MTA3: variants seen among roughly 807,000 people sequenced by gnomAD.
MTA3 encodes the protein metastasis-associated protein MTA3.
In MTA3, 34 loss-of-function variants were observed where a neutral mutation model predicts 83.5. The observed-to-expected ratio is 0.41, with a 90% CI of 0.31 to 0.54. MTA3 has a LOEUF of 0.54. Ranked by LOEUF, MTA3 falls within the 20% of genes least tolerant of loss-of-function variation. The pLI is 0.33. For synonymous variants in MTA3, 303 were observed against 252.7 expected, an observed-to-expected ratio of 1.20 and a Z score of -1.89; for missense variants, 761 against 726.4, an observed-to-expected ratio of 1.05 and a Z score of -0.55.
intron 10 of MTA3, among the ~76,000 whole-genome samples, chr2:42,696,650 A>G (rs1478707261): frequency 1.3e-5 from 2 of 152,196 alleles, no homozygotes; most frequent in African/African-American, 4.8e-5. Context: ...GTGCACCTAT[A>G]TTCCCAGCAT....
chr2:42,738,820 G>C (rs976639482), intron 16 of MTA3, among the ~76,000 whole-genome samples: 2 of 152,168 alleles, frequency 1.3e-5, no homozygotes, highest in Non-Finnish European at 2.9e-5. Context: ...GTTTCTTATG[G>C]TTGAGACTGC....
At chr2:42,594,665 C>CATATATAAATAT in intron 3 of MTA3, among the ~76,000 whole-genome samples, 2 of 122,096 alleles carry the variant, frequency 1.6e-5, no homozygotes, top group Non-Finnish European at 3.4e-5. Context: ...TATATATATA[C>CATATATAAATAT]ACACATATAT....
chr2:42,592,039 A>C (rs1047931040), intron 3 of MTA3, among the ~76,000 whole-genome samples: 20 of 150,732 alleles, frequency 1.3e-4, no homozygotes, highest in Admixed American at 2.6e-4. Context: ...TGAGGCTGGC[A>C]GATTGCTTGA....
At chr2:42,748,661 C>T (rs959181379) in intron 16 of MTA3, among the ~76,000 whole-genome samples, 1 of 152,172 alleles carries the variant, frequency 6.6e-6, no homozygotes, top group Admixed American at 6.5e-5. Flanking sequence ...CTAATTCTAA[C>T]ATCTGAATTA....
chr2:42,720,726 G>A (rs1200629818), intron 15 of MTA3, among the ~76,000 whole-genome samples: 1 of 151,864 alleles, frequency 6.6e-6, no homozygotes, highest in East Asian at 1.9e-4. Flanking sequence ...TGAGAGGCAG[G>A]CGGATTGCTT....
Position 42,753,619 on chromosome 2 carries a change from CA to C in MTA3, c.*221del. 7.3e-7 allele frequency: 1 copy of C among 1,364,096 alleles called. No homozygotes were observed. The highest frequency in any genetic ancestry group is 9.5e-7 in the Non-Finnish European group (1 of 1,057,286). 84.5% of individuals were successfully genotyped at this position (1,364,096 alleles called of 1,614,324 possible). ...GATCAGCAGCACCTCGCTTTCTTGT[CA>C]GAGACCTCGCTGTTACGGAGCGAGA... On this transcript the variant is annotated 3_prime_UTR_variant, in exon 17 of 17. Coordinates refer to ENST00000405094, the MANE Select transcript of MTA3 (RefSeq NM_001330442.2).
intron 8 of MTA3, among the ~76,000 whole-genome samples, chr2:42,664,466 CTTTTTTTTTTTTT>C (rs35633597): frequency 7.0e-5 from 6 of 85,758 alleles, no homozygotes; most frequent in Non-Finnish European, 1.1e-4. Context: ...CCCCGCTTAC[CTTTTTTTTTTTTT>C]TTTTTTTTTT....
intron 9 of MTA3, 168 bp downstream of exon 9, chr2:42,682,757 T>C: frequency 3.0e-6 from 2 of 657,316 alleles, no homozygotes; most frequent in Non-Finnish European, 2.5e-6. Flanking sequence ...GATAATTGTT[T>C]GGAGGAGTAG....
intron 11 of MTA3, among the ~76,000 whole-genome samples, chr2:42,701,573 G>C (rs949595468): frequency 1.3e-5 from 2 of 151,960 alleles, no homozygotes; most frequent in African/African-American, 4.8e-5. Flanking sequence ...CACCAGCCTG[G>C]GTGACAGAGT....
chr2:42,587,502 A>G (rs565700243), intron 3 of MTA3, among the ~76,000 whole-genome samples: 37 of 152,354 alleles, frequency 2.4e-4, no homozygotes, highest in African/African-American at 8.9e-4. Context: ...AAAAATGTAT[A>G]CACACGTTCT....
At chr2:42,695,470 A>G (rs1345113965) in intron 9 of MTA3, among the ~76,000 whole-genome samples, 1 of 151,736 alleles carries the variant, frequency 6.6e-6, no homozygotes, top group Non-Finnish European at 1.5e-5. Flanking sequence ...CCTTGTCTCT[A>G]CTAAAAATAC....
Position 42,754,985 on chromosome 2 carries a change from T to G in MTA3, c.*1586T>G. 1 of 985,432 alleles carries G rather than the reference T, an allele frequency of 1.0e-6. No individual in the cohort carries two copies. The highest frequency in any genetic ancestry group is 4.7e-5 in the South Asian group (1 of 21,282). 61.0% of individuals were successfully genotyped at this position (985,432 alleles called of 1,614,324 possible). On this transcript the variant is annotated 3_prime_UTR_variant, in exon 17 of 17. Coordinates refer to ENST00000405094, the MANE Select transcript of MTA3 (RefSeq NM_001330442.2). The stretch of plus-strand genomic sequence containing the variant: ...ATGGGATGTCTCCACCACCACCCAC[T>G]CTTGGAGCTGTGCTGGGTCTTGGCT...
rs897016498 is a variant in MTA3, at chr2:42,756,479, C to T, written c.*3080C>T. On this transcript the variant is annotated 3_prime_UTR_variant, in exon 17 of 17. Coordinates refer to ENST00000405094, the MANE Select transcript of MTA3 (RefSeq NM_001330442.2). Reference sequence around the variant, plus strand: ...CTGAGGGCAAGCAGGTGGGGCTGTGCGTGGCCTCAGTGCACTCGGTGTCAT... The same window carrying T: ...CTGAGGGCAAGCAGGTGGGGCTGTGTGTGGCCTCAGTGCACTCGGTGTCAT... The T allele has an allele frequency of 2.0e-6, 2 of 985,532 alleles. No homozygotes were observed. The highest frequency in any genetic ancestry group is 4.7e-5 in the South Asian group (1 of 21,290). The allele number at this position is 985,532 out of a possible 1,614,324, so 61.0% of individuals were successfully genotyped here.
chr2:42,594,693 TATATAAATATAC>T (rs1681487277), intron 3 of MTA3, among the ~76,000 whole-genome samples: 1 of 97,264 alleles, frequency 1.0e-5, no homozygotes, highest in African/African-American at 4.2e-5. Flanking sequence ...CATATATACA[TATATAAATATAC>T]ATATATATAT....
At chr2:42,498,363 A>G (rs1674240209) in intron 2 of MTA3, among the ~76,000 whole-genome samples, 1 of 152,192 alleles carries the variant, frequency 6.6e-6, no homozygotes, top group Non-Finnish European at 1.5e-5. Flanking sequence ...AGGATGGCTG[A>G]ATGGTAGAAA....
intron 3 of MTA3, among the ~76,000 whole-genome samples, chr2:42,598,050 T>G (rs533344961): frequency 1.3e-5 from 2 of 151,534 alleles, no homozygotes; most frequent in Admixed American, 1.3e-4. Context: ...CGGATCTTTT[T>G]GCTACTATTT....
At chr2:42,712,448 C>T (rs781336715) in intron 14 of MTA3, among the ~76,000 whole-genome samples, 27 of 152,074 alleles carry the variant, frequency 1.8e-4, no homozygotes, top group Non-Finnish European at 1.2e-4. Context: ...TGGCCCACCA[C>T]ACCGGTTAAT....
rs550658346 is a variant in MTA3, at chr2:42,531,978, G to A, written c.-141+36724G>A. Among the ~76,000 whole-genome samples the A allele has an allele frequency of 1.1e-4, 16 of 151,866 alleles. No homozygotes were observed. The South Asian group carries it at 3.1e-3, about 30-fold the overall frequency. On this transcript the variant is annotated intron_variant, in intron 2 of 17. Coordinates refer to the MTA3 transcript ENST00000405592. ...TCACTGTGTTAGCTAGGATGGTCTC[G>A]ATCTCCTGACCTCATGATCTGCCCA...
chr2:42,708,652 G>A (rs767628781), intron 13 of MTA3, among the ~76,000 whole-genome samples: 1 of 152,114 alleles, frequency 6.6e-6, no homozygotes, highest in Non-Finnish European at 1.5e-5. Flanking sequence ...TTGGATTCCT[G>A]TATAGCAGTA....
Sources: allele counts gnomAD v4.1 joint callset (sites outside exome capture counted in the v4.1 genomes callset), GRCh38; gene constraint gnomAD v4.1.1; transcripts MANE v1.5; gene names NCBI Gene and HGNC (gene_info 2026-07-23, HGNC 2026-07-21).